Variants in GC observed in about 807,000 individuals in gnomAD.
The protein encoded by GC is vitamin D-binding protein.
A neutral mutation model predicts 56.7 loss-of-function variants in GC; 43 were observed. The ratio of observed to expected loss-of-function variants is 0.76; its 90% CI spans 0.59 to 0.98. GC has a LOEUF of 0.98. Among genes scored for constraint, GC ranks in the 50% least tolerant of loss-of-function variants. The probability of loss-of-function intolerance (pLI) is 0.00; values close to 1 mark genes in which losing one functional copy is unlikely to be tolerated. For synonymous variants in GC, 216 were observed against 202.7 expected (o/e 1.07, Z -0.56); for missense variants, 529 against 545.9 (o/e 0.97, Z 0.31).
Position 71,783,953 on chromosome 4 carries a change from A to C in GC, c.58+8T>G, listed in dbSNP as rs762602242. ...TCCTGTAAATGGTCACAACAAAAGA[A>C]ATCTTACCTCTCTCTAAAGCATGTC... On this transcript the variant is annotated splice_region_variant and intron_variant, in intron 1 of 12. Transcript: ENST00000273951. 5 of 1,581,946 alleles carry C rather than the reference A, an allele frequency of 3.2e-6. No homozygotes were observed. The highest frequency in any genetic ancestry group is 3.7e-5 in the Admixed American group (2 of 54,560).
intron 11 of GC, among the ~76,000 whole-genome samples, chr4:71,749,112 C>G (rs1741467206): frequency 6.6e-6 from 1 of 152,108 alleles, no homozygotes; most frequent in South Asian, 2.1e-4. Context: ...CAAAGGCAAT[C>G]AGAGGGCTAA....
chr4:71,773,348 T>C (rs542529803), intron 1 of GC, among the ~76,000 whole-genome samples: 78 of 152,210 alleles, frequency 5.1e-4, no homozygotes, highest in African/African-American at 1.9e-3. Flanking sequence ...TTCTGAACTT[T>C]TGAAAGCCAG....
chr4:71,778,367 A>G (rs1238732385), intron 1 of GC, among the ~76,000 whole-genome samples: 1 of 151,932 alleles, frequency 6.6e-6, no homozygotes, highest in Non-Finnish European at 1.5e-5. Context: ...TCAAGTTACT[A>G]TTTTACCATG....
Position 71,743,808 on chromosome 4 carries a change from G to A in GC, c.*26-1938C>T, listed in dbSNP as rs377336699. Among the ~76,000 whole-genome samples the A allele has an allele frequency of 1.8e-3, 276 of 152,232 alleles. 2 individuals are homozygous for A. Among genetic ancestry groups the A allele is most frequent in the African/African-American group, 6.3e-3 (263 of 41,534 alleles). On this transcript the variant is annotated intron_variant, in intron 12 of 12. Transcript: ENST00000273951. ...TGCAGAATGCAATGGTGATAAACAA[G>A]CAGTAGATAAAATTGAGCTCAAAAC... is the stretch of plus-strand genomic sequence containing the variant.
At chr4:71,767,614 T>A (rs1742198375) in intron 3 of GC, among the ~76,000 whole-genome samples, 1 of 148,276 alleles carries the variant, frequency 6.7e-6, no homozygotes, top group Admixed American at 6.8e-5. Flanking sequence ...AGCTGATATA[T>A]ATATATATAT....
intron 9 of GC, 61 bp downstream of exon 9, chr4:71,754,917 T>G: frequency 8.1e-7 from 1 of 1,237,936 alleles, no homozygotes; most frequent in Non-Finnish European, 1.1e-6. Context: ...TTTTGGCCCA[T>G]GAACTATAAT....
At chr4:71,762,551 G>A (rs1042897998) in intron 6 of GC, among the ~76,000 whole-genome samples, 1 of 152,154 alleles carries the variant, frequency 6.6e-6, no homozygotes, top group African/African-American at 2.4e-5. Context: ...AAGTGCCAGG[G>A]GTGGGATGAT....
In GC at chr4:71,755,123, A is replaced by T; in HGVS notation, c.1035-16T>A. 1 of 1,409,798 alleles carries T rather than the reference A, an allele frequency of 7.1e-7. No individual in the cohort carries two copies. Among genetic ancestry groups the T allele is most frequent in the Non-Finnish European group, 9.7e-7 (1 of 1,032,428 alleles). The allele number at this position is 1,409,798 out of a possible 1,614,324, so 87.3% of individuals were successfully genotyped here. On this transcript the variant is annotated splice_polypyrimidine_tract_variant and intron_variant, in intron 8 of 12. Coordinates refer to ENST00000273951, the MANE Select transcript of GC (RefSeq NM_000583.4). ...AAATGTATACCTAGCATGAGGGAGA[A>T]AAGGAGATATGTGTTATATATTTCC...
chr4:71,746,227 T>G, intron 11 of GC, 22 bp from the exon 12 acceptor site: 1 of 1,104,098 alleles, frequency 9.1e-7, no homozygotes, highest in African/African-American at 1.6e-5. Flanking sequence ...AAAAGAATGT[T>G]ATATAACTTA....
intron 1 of GC, among the ~76,000 whole-genome samples, chr4:71,796,617 T>G (rs1743113008): frequency 6.6e-6 from 1 of 152,206 alleles, no homozygotes. Context: ...ACATGCTCCT[T>G]TAGTTTGGTG....
chr4:71,770,501 G>T (rs1017108611), intron 1 of GC, among the ~76,000 whole-genome samples: 1 of 152,096 alleles, frequency 6.6e-6, no homozygotes, highest in Non-Finnish European at 1.5e-5. Flanking sequence ...AAGAGAAAAC[G>T]GCAGCTTTAC....
chr4:71,771,220 C>T (rs1483162845), intron 1 of GC, among the ~76,000 whole-genome samples: 1 of 152,148 alleles, frequency 6.6e-6, no homozygotes, highest in African/African-American at 2.4e-5. Flanking sequence ...TTCCTCTCCT[C>T]TCTAACAGTT....
chr4:71,787,707 T>TGTG (rs1742871881), upstream of GC, among the ~76,000 whole-genome samples: 1 of 151,858 alleles, frequency 6.6e-6, no homozygotes, highest in Non-Finnish European at 1.5e-5. Context: ...AAGTGTGGCC[T>TGTG]GTGGTGCTGG....
chr4:71,763,173 G>T (rs1742041316), intron 6 of GC, among the ~76,000 whole-genome samples: 1 of 152,014 alleles, frequency 6.6e-6, no homozygotes, highest in Admixed American at 6.6e-5. Context: ...CAACTATATG[G>T]AAAAGATTGA....
At position 71,769,253 on chromosome 4, in the gene GC, G is replaced by T. The variant is rs112205706; in HGVS notation, c.128+78C>A. On this transcript the variant is annotated intron_variant, in intron 2 of 12. Coordinates refer to ENST00000273951, the MANE Select transcript of GC (RefSeq NM_000583.4). ...GCAAGGATTAAGGATTAACCTCCAT[G>T]CTGAGTCAAAGTTACCTCACACTCA... The T allele has an allele frequency of 1.9e-5, 20 of 1,043,188 alleles. No homozygotes were observed. The South Asian group carries it at 2.3e-4, about 12-fold the overall frequency. 64.6% of individuals were successfully genotyped at this position (1,043,188 alleles called of 1,614,324 possible).
At chr4:71,770,438 A>G (rs1041366381) in intron 1 of GC, among the ~76,000 whole-genome samples, 3 of 152,180 alleles carry the variant, frequency 2.0e-5, no homozygotes, top group African/African-American at 7.2e-5. Context: ...TGCCAGCTGC[A>G]TATGAGAGAT....
chr4:71,748,968 A>C (rs752260664), intron 11 of GC, among the ~76,000 whole-genome samples: 12 of 152,180 alleles, frequency 7.9e-5, no homozygotes, highest in Non-Finnish European at 1.2e-4. Flanking sequence ...ATTAGGATCC[A>C]AATATTATAG....
chr4:71,747,114 G>T (rs539928602), intron 11 of GC, among the ~76,000 whole-genome samples: 1 of 152,116 alleles, frequency 6.6e-6, no homozygotes, highest in Non-Finnish European at 1.5e-5. Context: ...AATTTTCATC[G>T]TGGGGCAATG....
intron 6 of GC, among the ~76,000 whole-genome samples, chr4:71,762,569 G>A (rs539525641): frequency 1.3e-5 from 2 of 152,270 alleles, no homozygotes; most frequent in African/African-American, 4.8e-5. Flanking sequence ...GATATGGTTT[G>A]GCTGTGTCCC....
Sources: allele counts gnomAD v4.1 joint callset (sites outside exome capture counted in the v4.1 genomes callset), GRCh38; gene constraint gnomAD v4.1.1; transcripts MANE v1.5; gene names NCBI Gene and HGNC (gene_info 2026-07-23, HGNC 2026-07-21).